Variants in ANGPT4 observed in about 807,000 individuals in gnomAD.
The protein encoded by ANGPT4 is angiopoietin 4, also known as angiopoietin-4.
Under a neutral mutation model 53.0 loss-of-function variants are expected in ANGPT4, and 50 were observed. The observed-to-expected ratio is 0.94, with a 90% CI of 0.75 to 1.20. ANGPT4 has a LOEUF of 1.20. Ranked by LOEUF, ANGPT4 falls within the 50% of genes most tolerant of loss-of-function variation. The pLI is 0.00. For missense variants in ANGPT4, 648 were observed against 637.1 expected, an observed-to-expected ratio of 1.02 and a Z score of -0.18; for synonymous variants, 251 against 259.7, an observed-to-expected ratio of 0.97 and a Z score of 0.32.
chr20:899,477 T>C (rs1182463250), intron 1 of ANGPT4, among the ~76,000 whole-genome samples: 1 of 152,062 alleles, frequency 6.6e-6, no homozygotes, highest in Non-Finnish European at 1.5e-5. Context: ...ATATTCTCGA[T>C]TTCCTGACCT....
intron 1 of ANGPT4, among the ~76,000 whole-genome samples, chr20:901,959 T>A (rs957779669): frequency 5.9e-5 from 9 of 152,198 alleles, no homozygotes; most frequent in Non-Finnish European, 1.0e-4. Flanking sequence ...CTACATCAGA[T>A]GCTGATCTGA....
At chr20:890,430 A>G in intron 1 of ANGPT4, 62 bp from the exon 2 acceptor site, 2 of 1,497,978 alleles carry the variant, frequency 1.3e-6, no homozygotes, top group Non-Finnish European at 1.8e-6. Flanking sequence ...TGTCCCTCCC[A>G]CGTGTCACCA....
At chr20:906,147 G>A (rs188188948) in intron 1 of ANGPT4, among the ~76,000 whole-genome samples, 288 of 152,322 alleles carry the variant, frequency 1.9e-3, no homozygotes, top group Non-Finnish European at 3.1e-3. Context: ...AGAAACGTTA[G>A]TGTGACTTCC....
chr20:898,745 C>A (rs769399481), intron 1 of ANGPT4, among the ~76,000 whole-genome samples: 2 of 152,238 alleles, frequency 1.3e-5, no homozygotes, highest in Non-Finnish European at 2.9e-5. Flanking sequence ...ACATCCAGCA[C>A]ACAAGAACTT....
At chr20:882,937 C>CTGAT (rs1444034278) in intron 4 of ANGPT4, among the ~76,000 whole-genome samples, 2 of 152,174 alleles carry the variant, frequency 1.3e-5, no homozygotes, top group Non-Finnish European at 2.9e-5. Context: ...ATAGGATGGA[C>CTGAT]TGATATTGAT....
At chr20:909,982 T>A (rs1291547671) in intron 1 of ANGPT4, among the ~76,000 whole-genome samples, 1 of 152,182 alleles carries the variant, frequency 6.6e-6, no homozygotes, top group South Asian at 2.1e-4. Flanking sequence ...AAAAATCTAG[T>A]AGCTATGGAT....
chr20:910,262 C>T (rs960704768), intron 1 of ANGPT4, among the ~76,000 whole-genome samples: 3 of 152,110 alleles, frequency 2.0e-5, no homozygotes, highest in South Asian at 2.1e-4. Context: ...AATTAAATGC[C>T]GTAACATAAA....
intron 1 of ANGPT4, among the ~76,000 whole-genome samples, chr20:891,008 TTC>T (rs758193396): frequency 1.3e-5 from 2 of 152,238 alleles, no homozygotes; most frequent in Non-Finnish European, 2.9e-5. Context: ...TGTTGTCTGT[TTC>T]TCTCTCTAGA....
intron 8 of ANGPT4, 113 bp downstream of exon 8, chr20:874,171 C>A: frequency 6.6e-7 from 1 of 1,514,372 alleles, no homozygotes; most frequent in Non-Finnish European, 9.0e-7. Flanking sequence ...AGGCCCAGAC[C>A]TGCACCCATC....
chr20:877,386 A>G (rs1981210757), intron 7 of ANGPT4, among the ~76,000 whole-genome samples: 1 of 152,220 alleles, frequency 6.6e-6, no homozygotes, highest in South Asian at 2.1e-4. Flanking sequence ...CTGAGAGGCA[A>G]TATCATGTTG....
intron 2 of ANGPT4, 98 bp downstream of exon 2, chr20:890,115 C>T: frequency 2.7e-6 from 4 of 1,465,068 alleles, no homozygotes; most frequent in Non-Finnish European, 3.7e-6. Flanking sequence ...GAGGCCTTGA[C>T]CCTACTCAGG....
At chr20:891,558 GC>G (rs1981849574) in intron 1 of ANGPT4, among the ~76,000 whole-genome samples, 1 of 152,070 alleles carries the variant, frequency 6.6e-6, no homozygotes, top group Non-Finnish European at 1.5e-5. Flanking sequence ...CTCTCACCAT[GC>G]CCCCCACCCC....
In ANGPT4 at chr20:878,225, C is replaced by A; in HGVS notation, c.1156G>T (p.Glu386Ter). 1 of 1,612,894 alleles carries A rather than the reference C, an allele frequency of 6.2e-7. No homozygotes were observed. Among genetic ancestry groups the A allele is most frequent in the East Asian group, 2.2e-5 (1 of 44,842 alleles). ...YSLRVELQDW[E>*]GHEAYAQYEH... ...TACTGGGCATAGGCCTCGTGGCCTTCCCAGTCTTGCAGCTCCACACGCAGA... is the reference window on the plus strand; with the variant it reads ...TACTGGGCATAGGCCTCGTGGCCTTACCAGTCTTGCAGCTCCACACGCAGA... Residue 386 changes from glutamate to a stop codon, truncating the protein, a stop_gained, in exon 7 of 9, where the codon GAA (glutamate) becomes TAA (stop). Coordinates refer to ENST00000381922, the MANE Select transcript of ANGPT4 (RefSeq NM_015985.4). LOFTEE classifies it high-confidence loss of function.
chr20:913,319 C>T (rs908092792), intron 1 of ANGPT4, among the ~76,000 whole-genome samples: 1 of 152,092 alleles, frequency 6.6e-6, no homozygotes, highest in African/African-American at 2.4e-5. Flanking sequence ...AGCAAGCACT[C>T]CCCACTGGGG....
chr20:902,091 G>C (rs34499029), intron 1 of ANGPT4, among the ~76,000 whole-genome samples: 1 of 152,136 alleles, frequency 6.6e-6, no homozygotes, highest in African/African-American at 2.4e-5. Flanking sequence ...CAAAAACCGA[G>C]AAGATCAAAC....
Position 916,184 on chromosome 20 carries a change from T to A in ANGPT4, c.31A>T (p.Ser11Cys), listed in dbSNP as rs758206666. The A allele has an allele frequency of 1.2e-6, 2 of 1,613,760 alleles. No individual in the cohort carries two copies. Among genetic ancestry groups the A allele is most frequent in the South Asian group, 2.2e-5 (2 of 91,080 alleles). The change falls in exon 1 of 9, where the codon AGC becomes TGC. Residue 11 changes from serine to cysteine, a missense_variant. Ser to Cys is a moderately radical substitution (Grantham distance 112, BLOSUM62 -1). Coordinates refer to ENST00000381922, the MANE Select transcript of ANGPT4 (RefSeq NM_015985.4). Reference protein sequence around the residue: MLSQLAMLQGSLLLVVATMSV... With the variant: MLSQLAMLQGCLLLVVATMSV... ...ATGGTGGCAACCACAAGGAGGAGGC[T>A]GCCCTGCAGCATGGCTAGCTGGGAG...
At chr20:875,119 C>T (rs886638978) in intron 7 of ANGPT4, among the ~76,000 whole-genome samples, 2 of 152,154 alleles carry the variant, frequency 1.3e-5, no homozygotes, top group African/African-American at 4.8e-5. Context: ...CTCACAACAC[C>T]CTATTTCCAT....
intron 3 of ANGPT4, among the ~76,000 whole-genome samples, chr20:887,090 G>A (rs1981645409): frequency 6.6e-6 from 1 of 152,216 alleles, no homozygotes; most frequent in Admixed American, 6.5e-5. Context: ...GTGGCTGAGA[G>A]ACAGGGCTGG....
intron 2 of ANGPT4, among the ~76,000 whole-genome samples, chr20:889,113 C>T (rs1981733783): frequency 6.6e-6 from 1 of 152,216 alleles, no homozygotes; most frequent in African/African-American, 2.4e-5. Context: ...GTAAGCCTGG[C>T]TGCAGCCCTA....
Sources: allele counts gnomAD v4.1 joint callset (sites outside exome capture counted in the v4.1 genomes callset), GRCh38; gene constraint gnomAD v4.1.1; transcripts MANE v1.5; gene names NCBI Gene and HGNC (gene_info 2026-07-23, HGNC 2026-07-21).